The following UBE3C variants were observed in gnomAD, a reference collection of about 807,000 sequenced individuals.
UBE3C encodes the protein ubiquitin-protein ligase E3C.
A neutral mutation model predicts 129.4 loss-of-function variants in UBE3C; 42 were observed. The ratio of observed to expected loss-of-function variants is 0.32; its 90% CI spans 0.25 to 0.42. The LOEUF (loss-of-function observed/expected upper bound fraction) is 0.42, where lower values mean the gene tolerates loss of function less well. Ranked by LOEUF, UBE3C falls within the 10% of genes least tolerant of loss-of-function variation. UBE3C has a pLI of 1.00. For missense variants in UBE3C, 1,049 were observed against 1,319.1 expected (o/e 0.80, Z 3.17); for synonymous variants, 510 against 492.4 (o/e 1.04, Z -0.47).
chr7:157,142,771 T>G (rs544831509), intron 1 of UBE3C, among the ~76,000 whole-genome samples: 4 of 152,070 alleles, frequency 2.6e-5, no homozygotes, highest in Non-Finnish European at 4.4e-5. Flanking sequence ...ATGGGATCAT[T>G]CACACCCCAA....
chr7:157,210,183 A>G (rs1376534599), intron 13 of UBE3C, among the ~76,000 whole-genome samples: 2 of 152,228 alleles, frequency 1.3e-5, no homozygotes, highest in Non-Finnish European at 2.9e-5. Context: ...TCCAAAAAAA[A>G]AGAGGGTGAA....
intron 15 of UBE3C, chr7:157,222,423 C>A (rs75270041): frequency 1.5e-5 from 2 of 136,408 alleles, no homozygotes; most frequent in Non-Finnish European, 1.6e-5. Context: ...TTTTTTTTTT[C>A]TTTCTTTCTT....
At chr7:157,201,831 A>G in intron 11 of UBE3C, 24 bp downstream of exon 11, 1 of 1,582,046 alleles carries the variant, frequency 6.3e-7, no homozygotes, top group Non-Finnish European at 8.6e-7. Context: ...AGACTTATAA[A>G]TTGAGCTCAA....
chr7:157,159,861 G>C (rs778903815), intron 1 of UBE3C, among the ~76,000 whole-genome samples: 6 of 152,152 alleles, frequency 3.9e-5, no homozygotes, highest in Non-Finnish European at 8.8e-5. Context: ...TCTAATTACA[G>C]ACATGTAAAT....
intron 5 of UBE3C, among the ~76,000 whole-genome samples, chr7:157,178,147 CT>C (rs1808572933): frequency 6.6e-6 from 1 of 152,080 alleles, no homozygotes. Flanking sequence ...GCCTGCCCGA[CT>C]GCTTGTGCTG....
intron 10 of UBE3C, among the ~76,000 whole-genome samples, chr7:157,200,471 T>G (rs1809249738): frequency 6.6e-6 from 1 of 152,172 alleles, no homozygotes; most frequent in South Asian, 2.1e-4. Flanking sequence ...AGACCTCATC[T>G]CTTAAAAAAA....
At chr7:157,209,805 G>A (rs923522876) in intron 13 of UBE3C, among the ~76,000 whole-genome samples, 2 of 152,212 alleles carry the variant, frequency 1.3e-5, no homozygotes, top group African/African-American at 2.4e-5. Context: ...TTTTGGTTAA[G>A]CGTTAAATGA....
chr7:157,231,541 C>A, intron 18 of UBE3C: 1 of 600,990 alleles, frequency 1.7e-6, no homozygotes, highest in Non-Finnish European at 2.8e-6. Context: ...GAAACTTGAT[C>A]CCCAGTGTGC....
At chr7:157,229,100 G>A (rs1372067450) in intron 17 of UBE3C, among the ~76,000 whole-genome samples, 5 of 152,162 alleles carry the variant, frequency 3.3e-5, no homozygotes, top group South Asian at 4.1e-4. Context: ...TGTACACTAC[G>A]TGCGGTTGCT....
intron 1 of UBE3C, among the ~76,000 whole-genome samples, chr7:157,141,413 T>A (rs1004896619): frequency 6.6e-6 from 1 of 152,168 alleles, no homozygotes; most frequent in Non-Finnish European, 1.5e-5. Context: ...AGTTGGTTGT[T>A]GTGGGACCGT....
chr7:157,163,996 T>C (rs1808145851), intron 2 of UBE3C, 133 bp downstream of exon 2: 1 of 825,560 alleles, frequency 1.2e-6, no homozygotes, highest in African/African-American at 1.7e-5. Context: ...TATGTGTGTT[T>C]AGCTTTAGAA....
At chr7:157,215,964 C>A (rs1212559301) in intron 13 of UBE3C, among the ~76,000 whole-genome samples, 1 of 152,172 alleles carries the variant, frequency 6.6e-6, no homozygotes, top group Non-Finnish European at 1.5e-5. Flanking sequence ...GAGGAACTCA[C>A]TGCACAACAA....
rs1796198696 is a variant in UBE3C, at chr7:157,238,058, T to C, written c.2481+6731T>C. 2.0e-5 allele frequency among the ~76,000 whole-genome samples: 3 copies of C among 151,996 alleles called. No homozygotes were observed. The South Asian group carries it at 6.2e-4, about 32-fold the overall frequency. The stretch of plus-strand genomic sequence containing the variant: ...CAGAGACCCTGTCTCAAAATAATAA[T>C]AAAATAGGGCCCATGTAAATCCTTT... On this transcript the variant is annotated intron_variant, in intron 18 of 22. Transcript: ENST00000348165.
intron 4 of UBE3C, 107 bp from the exon 5 acceptor site, chr7:157,174,812 T>C (rs1182095089): frequency 5.5e-6 from 4 of 722,238 alleles, no homozygotes; most frequent in Non-Finnish European, 8.8e-6. Context: ...TTTGATTAGG[T>C]TTGATTAAAT....
chr7:157,198,739 T>A (rs1056797991), intron 10 of UBE3C, among the ~76,000 whole-genome samples: 1 of 152,192 alleles, frequency 6.6e-6, no homozygotes, highest in Non-Finnish European at 1.5e-5. Flanking sequence ...TTCACCATGT[T>A]GACCAGGCTG....
chr7:157,249,222 C>T (rs757147780), intron 19 of UBE3C, among the ~76,000 whole-genome samples: 7 of 152,090 alleles, frequency 4.6e-5, no homozygotes, highest in African/African-American at 1.7e-4. Flanking sequence ...ACAGAGCAAC[C>T]GTGCACCCAT....
chr7:157,267,837 A>T lies in UBE3C; in HGVS notation c.*82A>T. 7.1e-6 allele frequency: 9 copies of T among 1,260,744 alleles called. No homozygotes were observed. Among genetic ancestry groups the T allele is most frequent in the Non-Finnish European group, 9.7e-6 (9 of 927,562 alleles). The allele number at this position is 1,260,744 out of a possible 1,614,324, so 78.1% of individuals were successfully genotyped here. On this transcript the variant is annotated 3_prime_UTR_variant, in exon 23 of 23. Transcript: ENST00000348165. ...CCTCCCCAGACCCACGAGGATACTCACACTGCACGCCTGAGGCTCTCCTAA... is the reference window on the plus strand; with the variant it reads ...CCTCCCCAGACCCACGAGGATACTCTCACTGCACGCCTGAGGCTCTCCTAA...
intron 1 of UBE3C, among the ~76,000 whole-genome samples, chr7:157,155,414 C>T (rs2116830411): frequency 1.3e-5 from 2 of 152,114 alleles, no homozygotes; most frequent in South Asian, 4.2e-4. Flanking sequence ...AAACAAAAAC[C>T]TCACAGTTTT....
At chr7:157,240,477 TATC>T (rs1796283383) in intron 18 of UBE3C, among the ~76,000 whole-genome samples, 1 of 152,186 alleles carries the variant, frequency 6.6e-6, no homozygotes. Flanking sequence ...TTGACGTTAA[TATC>T]ATAAAGTGAA....
Sources: allele counts gnomAD v4.1 joint callset (sites outside exome capture counted in the v4.1 genomes callset), GRCh38; gene constraint gnomAD v4.1.1; transcripts MANE v1.5; gene names NCBI Gene and HGNC (gene_info 2026-07-23, HGNC 2026-07-21).